EVC2: variants seen among roughly 807,000 people sequenced by gnomAD.
The protein encoded by EVC2 is EvC ciliary complex subunit 2.
In EVC2, 148 loss-of-function variants were observed where a neutral mutation model predicts 149.3. The ratio of observed to expected loss-of-function variants is 0.99; its 90% CI spans 0.87 to 1.14. The LOEUF (loss-of-function observed/expected upper bound fraction) is 1.14. Ranked by LOEUF, EVC2 falls within the 50% of genes most tolerant of loss-of-function variation. EVC2 has a pLI of 0.00. For synonymous variants in EVC2, 776 were observed against 649.9 expected (o/e 1.19, Z -2.95); for missense variants, 1,854 against 1,627.3 (o/e 1.14, Z -2.40).
intron 21 of EVC2, among the ~76,000 whole-genome samples, chr4:5,552,577 A>G (rs1311604919): frequency 6.6e-6 from 1 of 152,216 alleles, no homozygotes; most frequent in Non-Finnish European, 1.5e-5. Context: ...ACAACTAGAG[A>G]GCTGGCCAAG....
the EVC2 span, among the ~76,000 whole-genome samples, chr4:5,529,860 A>G: frequency 2.1e-5 from 3 of 141,326 alleles, no homozygotes; most frequent in African/African-American, 8.1e-5. This position sits in a 1 kb window ranked among gnomAD's most constrained non-coding sequence, Gnocchi z 4.5. Context: ...ATTGTCACCC[A>G]GGCTGAAGTG....
At chr4:5,548,143 C>T (rs1006737395) in intron 21 of EVC2, among the ~76,000 whole-genome samples, 6 of 152,054 alleles carry the variant, frequency 3.9e-5, no homozygotes, top group African/African-American at 1.4e-4. Context: ...TGCCTTGCTG[C>T]CTTTGGCAGG....
At chr4:5,532,104 T>A in the EVC2 span, among the ~76,000 whole-genome samples, 3 of 152,088 alleles carry the variant, frequency 2.0e-5, no homozygotes, top group African/African-American at 7.2e-5. Context: ...GAACCATGGA[T>A]ACAGAGGGCC....
intron 5 of EVC2, among the ~76,000 whole-genome samples, chr4:5,687,745 C>G (rs569749758): frequency 6.6e-6 from 1 of 152,210 alleles, no homozygotes; most frequent in East Asian, 1.9e-4. Context: ...GAAGCTGGGT[C>G]TCGCAGGAGC....
intron 19 of EVC2, among the ~76,000 whole-genome samples, chr4:5,570,518 G>A (rs1473937658): frequency 1.3e-5 from 2 of 152,218 alleles, no homozygotes; most frequent in African/African-American, 2.4e-5. Flanking sequence ...CACAAAGTGT[G>A]AAAAGGGAAC....
chr4:5,673,398 C>A (rs1719785363), intron 7 of EVC2, among the ~76,000 whole-genome samples: 2 of 152,176 alleles, frequency 1.3e-5, no homozygotes, highest in Admixed American at 1.3e-4. Context: ...CCAGAAGTGG[C>A]TGAGAGCACC....
At chr4:5,660,113 A>T (rs1306453345) in intron 9 of EVC2, among the ~76,000 whole-genome samples, 1 of 152,228 alleles carries the variant, frequency 6.6e-6, no homozygotes, top group Non-Finnish European at 1.5e-5. Flanking sequence ...TTTAATTTGT[A>T]ATCCTTGCCA....
chr4:5,699,812 G>A (rs975764760), intron 1 of EVC2, among the ~76,000 whole-genome samples: 8 of 151,830 alleles, frequency 5.3e-5, no homozygotes, highest in African/African-American at 1.9e-4. Flanking sequence ...GACGAAGTGA[G>A]ACCCTCTCTG....
downstream of EVC2, among the ~76,000 whole-genome samples, chr4:5,540,421 G>A (rs967264868): frequency 1.3e-5 from 2 of 152,142 alleles, no homozygotes; most frequent in South Asian, 2.1e-4. Flanking sequence ...AACCTAGACC[G>A]ACCCAGATTT....
chr4:5,577,996 C>G (rs1415054446), intron 17 of EVC2, among the ~76,000 whole-genome samples: 1 of 151,980 alleles, frequency 6.6e-6, no homozygotes, highest in East Asian at 2.0e-4. Flanking sequence ...GTGGAACACA[C>G]AGAGCTTTTC....
At chr4:5,598,467 G>T (rs574701128) in intron 16 of EVC2, among the ~76,000 whole-genome samples, 377 of 152,256 alleles carry the variant, frequency 2.5e-3, no homozygotes, top group African/African-American at 8.0e-3. Flanking sequence ...AAGCAATGGG[G>T]AAAGGATTCC....
At chr4:5,546,514 A>G (rs1165619449) in intron 21 of EVC2, among the ~76,000 whole-genome samples, 1 of 151,938 alleles carries the variant, frequency 6.6e-6, no homozygotes, top group Non-Finnish European at 1.5e-5. Flanking sequence ...GAATTGAACA[A>G]TGAGAACACA....
downstream of EVC2, among the ~76,000 whole-genome samples, chr4:5,540,940 T>C (rs1290728809): frequency 6.6e-6 from 1 of 152,182 alleles, no homozygotes; most frequent in Non-Finnish European, 1.5e-5. Context: ...AGGCAGAGCT[T>C]CTTTTCAGAG....
At chr4:5,697,567 G>A (rs764367086) in intron 2 of EVC2, 26 bp downstream of exon 2, 3 of 1,613,152 alleles carry the variant, frequency 1.9e-6, no homozygotes, top group South Asian at 1.1e-5. Flanking sequence ...CAAAACAGGG[G>A]AACATCAACC....
chr4:5,693,064 G>C (rs868192247), intron 3 of EVC2, among the ~76,000 whole-genome samples: 1 of 152,120 alleles, frequency 6.6e-6, no homozygotes, highest in Non-Finnish European at 1.5e-5. Context: ...CTCAAGCAGG[G>C]ACCTGGCTTT....
At chr4:5,529,423 C>G in the EVC2 span, among the ~76,000 whole-genome samples, 9 of 152,252 alleles carry the variant, frequency 5.9e-5, no homozygotes, top group Non-Finnish European at 7.4e-5. The surrounding 1 kb of genome is among the most constrained non-coding windows in gnomAD (Gnocchi z 4.5). Flanking sequence ...TTTTACCTCC[C>G]CGAAGAATCC....
chr4:5,608,400 T>C (rs1042465352), intron 16 of EVC2, among the ~76,000 whole-genome samples: 1 of 152,188 alleles, frequency 6.6e-6, no homozygotes, highest in African/African-American at 2.4e-5. Flanking sequence ...GACCTCCCAC[T>C]CTCAAGACAT....
intron 19 of EVC2, among the ~76,000 whole-genome samples, chr4:5,572,123 A>G (rs777797079): frequency 6.6e-6 from 1 of 152,192 alleles, no homozygotes; most frequent in Non-Finnish European, 1.5e-5. Flanking sequence ...ATTAATACAC[A>G]GGAGTTGGGA....
chr4:5,634,195 A>G (rs1388455877), intron 10 of EVC2, among the ~76,000 whole-genome samples: 2 of 152,242 alleles, frequency 1.3e-5, no homozygotes, highest in Admixed American at 6.5e-5. Context: ...TCTTTTTAAA[A>G]AGCTGATTTT....
Sources: gnomAD v4.1 joint callset for allele counts (sites outside exome capture counted in the v4.1 genomes callset) on GRCh38, gnomAD v4.1.1 for gene constraint, Gnocchi (gnomAD v3.1) non-coding constraint, MANE v1.5 for transcripts, NCBI Gene and HGNC (gene_info 2026-07-23, HGNC 2026-07-21) for gene names.